FGF14: variants seen among roughly 807,000 people sequenced by gnomAD.
FGF14 encodes fibroblast growth factor homologous factor 4.
In FGF14, 5 loss-of-function variants were observed where a neutral mutation model predicts 25.5. The observed-to-expected ratio is 0.20, with a 90% confidence interval of 0.10 to 0.41. The LOEUF is 0.41. Among genes scored for constraint, FGF14 ranks in the 10% least tolerant of loss-of-function variants. FGF14 has a pLI of 1.00. For synonymous variants in FGF14, 138 were observed against 118.3 expected (o/e 1.17, Z -1.08); for missense variants, 222 against 320.1 (o/e 0.69, Z 2.34).
intron 1 of FGF14, among the ~76,000 whole-genome samples, chr13:102,137,363 A>G (rs192423392): frequency 1.3e-5 from 2 of 152,336 alleles, no homozygotes; most frequent in Non-Finnish European, 2.9e-5. Flanking sequence ...ACAAGCAAAT[A>G]AAATTACTTG....
chr13:102,306,489 G>A (rs888392020), intron 1 of FGF14, among the ~76,000 whole-genome samples: 9 of 152,118 alleles, frequency 5.9e-5, no homozygotes, highest in Non-Finnish European at 7.4e-5. Context: ...GAGCATTACA[G>A]AAAAAGGATG....
At chr13:101,980,170 T>C (rs752442681) in intron 1 of FGF14, among the ~76,000 whole-genome samples, 3 of 152,204 alleles carry the variant, frequency 2.0e-5, no homozygotes, top group Non-Finnish European at 4.4e-5. Flanking sequence ...CATAAACAGA[T>C]AAATGTGCAA....
At chr13:102,293,656 T>C (rs2054545275) in intron 1 of FGF14, 2 of 152,198 alleles carry the variant, frequency 1.3e-5, no homozygotes, top group Admixed American at 1.3e-4. Context: ...ATCTATAATG[T>C]GGTACTGAAT....
At chr13:102,376,060 A>G (rs2058033567) in intron 1 of FGF14, among the ~76,000 whole-genome samples, 2 of 152,144 alleles carry the variant, frequency 1.3e-5, no homozygotes, top group Admixed American at 6.6e-5. Context: ...TTCATTAACT[A>G]TTGGAATCTG....
intron 3 of FGF14, among the ~76,000 whole-genome samples, chr13:101,818,550 T>C (rs1293217028): frequency 2.6e-5 from 4 of 152,214 alleles, no homozygotes; most frequent in African/African-American, 7.2e-5. Context: ...AACCATAACA[T>C]AAATTAGAAA....
At chr13:101,888,856 A>G (rs1471225480) in intron 1 of FGF14, among the ~76,000 whole-genome samples, 1 of 152,204 alleles carries the variant, frequency 6.6e-6, no homozygotes, top group Non-Finnish European at 1.5e-5. Context: ...AGTATTATTA[A>G]ATGAATTGTG....
At chr13:101,764,647 T>C (rs2038265398) in intron 3 of FGF14, among the ~76,000 whole-genome samples, 1 of 152,190 alleles carries the variant, frequency 6.6e-6, no homozygotes, top group Non-Finnish European at 1.5e-5. Flanking sequence ...TGTCATTCTT[T>C]GTCATAGGGC....
chr13:102,263,567 A>T (rs973010556), intron 1 of FGF14, among the ~76,000 whole-genome samples: 1 of 152,174 alleles, frequency 6.6e-6, no homozygotes, highest in Non-Finnish European at 1.5e-5. Flanking sequence ...AAAAACATAT[A>T]CTTAGTTCAC....
At chr13:102,136,892 C>T (rs576973403) in intron 1 of FGF14, among the ~76,000 whole-genome samples, 4 of 152,292 alleles carry the variant, frequency 2.6e-5, no homozygotes, top group African/African-American at 9.6e-5. Context: ...CTCTCCCATA[C>T]TTGGCTAATG....
chr13:102,165,544 T>C (rs2047963454), intron 1 of FGF14, among the ~76,000 whole-genome samples: 1 of 151,050 alleles, frequency 6.6e-6, no homozygotes, highest in South Asian at 2.1e-4. Flanking sequence ...AAACCATCAT[T>C]CTCAGCAAAC....
chr13:101,759,253 G>A (rs1299793739), intron 3 of FGF14, among the ~76,000 whole-genome samples: 2 of 152,116 alleles, frequency 1.3e-5, no homozygotes, highest in African/African-American at 4.8e-5. Context: ...TGGCCAATGA[G>A]ATGCTCTCAA....
At chr13:102,060,688 T>C (rs2042645803) in intron 1 of FGF14, among the ~76,000 whole-genome samples, 1 of 152,168 alleles carries the variant, frequency 6.6e-6, no homozygotes, top group Non-Finnish European at 1.5e-5. Context: ...AAATCCTTGA[T>C]ATTGATACAG....
At chr13:101,796,223 C>A (rs560493746) in intron 3 of FGF14, among the ~76,000 whole-genome samples, 1 of 152,070 alleles carries the variant, frequency 6.6e-6, no homozygotes, top group East Asian at 1.9e-4. Context: ...AAACCCATTA[C>A]TAAAATTCAT....
At chr13:102,066,733 TTATTATTGAATCCTAG>T (rs1344654454) in intron 1 of FGF14, among the ~76,000 whole-genome samples, 1 of 152,194 alleles carries the variant, frequency 6.6e-6, no homozygotes, top group Non-Finnish European at 1.5e-5. Context: ...TAAGTGATAA[TTATTATTGAATCCTAG>T]TTGTGCTTCA....
At chr13:101,978,876 A>T (rs1397933242) in intron 1 of FGF14, among the ~76,000 whole-genome samples, 1 of 152,206 alleles carries the variant, frequency 6.6e-6, no homozygotes. Flanking sequence ...CTCTTGCTAC[A>T]TATCACACAC....
At chr13:102,213,526 G>A (rs1428737950) in intron 1 of FGF14, among the ~76,000 whole-genome samples, 1 of 152,116 alleles carries the variant, frequency 6.6e-6, no homozygotes. Context: ...GAATCTGTTG[G>A]AGCAGCTGCC....
chr13:102,011,596 T>C (rs994301812), intron 1 of FGF14, among the ~76,000 whole-genome samples: 1 of 152,146 alleles, frequency 6.6e-6, no homozygotes, highest in Non-Finnish European at 1.5e-5. Context: ...GTATGAAGCT[T>C]ATCCATAGCT....
intron 1 of FGF14, chr13:102,045,918 GAGC>G (rs2041961676): frequency 6.5e-6 from 1 of 153,926 alleles, no homozygotes; most frequent in African/African-American, 2.4e-5. Context: ...ATGGCTAGAA[GAGC>G]TGAACAAGCA....
chr13:102,028,512 A>G (rs377504273), intron 1 of FGF14, among the ~76,000 whole-genome samples: 15 of 152,162 alleles, frequency 9.9e-5, no homozygotes, highest in African/African-American at 3.6e-4. Context: ...GTACCCAGGT[A>G]ATGGTATTTT....
Sources: allele counts gnomAD v4.1 joint callset (sites outside exome capture counted in the v4.1 genomes callset), GRCh38; gene constraint gnomAD v4.1.1; transcripts MANE v1.5; gene names NCBI Gene and HGNC (gene_info 2026-07-23, HGNC 2026-07-21).